Variants in OSBPL10 observed in about 807,000 individuals in gnomAD.
The protein encoded by OSBPL10 is oxysterol binding protein like 10.
Under a neutral mutation model 81.7 loss-of-function variants are expected in OSBPL10, and 49 were observed. The ratio of observed to expected loss-of-function variants is 0.60; its 90% confidence interval spans 0.48 to 0.76. OSBPL10 has a LOEUF of 0.76. Among genes scored for constraint, OSBPL10 ranks in the 30% least tolerant of loss-of-function variants. OSBPL10 has a pLI of 0.00. For missense variants in OSBPL10, 923 were observed against 987.8 expected (o/e 0.93, Z 0.88); for synonymous variants, 419 against 383.6 (o/e 1.09, Z -1.08).
intron 3 of OSBPL10, among the ~76,000 whole-genome samples, chr3:31,834,353 T>C (rs141386506): frequency 1.4e-3 from 215 of 152,316 alleles, no homozygotes; most frequent in Non-Finnish European, 2.5e-3. Flanking sequence ...GCAAGTTTCT[T>C]CATCCTTTGC....
chr3:31,718,833 G>C (rs558517233), intron 6 of OSBPL10: 89 of 152,172 alleles, frequency 5.8e-4, no homozygotes, highest in African/African-American at 2.1e-3. Flanking sequence ...GGATGGGGAC[G>C]GAAGGTCCAA....
intron 6 of OSBPL10, among the ~76,000 whole-genome samples, chr3:31,722,075 C>T (rs1305518702): frequency 6.6e-6 from 1 of 152,156 alleles, no homozygotes; most frequent in Non-Finnish European, 1.5e-5. Context: ...AAAGCTTATT[C>T]ACCTCATTCT....
chr3:31,967,496 A>G (rs1391041408), intron 1 of OSBPL10, among the ~76,000 whole-genome samples: 1 of 152,038 alleles, frequency 6.6e-6, no homozygotes, highest in Non-Finnish European at 1.5e-5. Flanking sequence ...ATGAAAAAAA[A>G]AAGTTGCTTA....
chr3:31,892,166 G>A (rs1695910605), intron 1 of OSBPL10, among the ~76,000 whole-genome samples: 1 of 151,992 alleles, frequency 6.6e-6, no homozygotes, highest in African/African-American at 2.4e-5. Flanking sequence ...GAAGAGGAGA[G>A]GAGAGAGTTC....
chr3:31,838,054 T>A (rs1700403151), intron 3 of OSBPL10, among the ~76,000 whole-genome samples: 1 of 152,156 alleles, frequency 6.6e-6, no homozygotes, highest in Non-Finnish European at 1.5e-5. Flanking sequence ...TAAAGCTTCA[T>A]GAAAGATCAA....
intron 1 of OSBPL10, among the ~76,000 whole-genome samples, chr3:31,967,471 C>A (rs1234913964): frequency 1.4e-5 from 2 of 147,820 alleles, no homozygotes; most frequent in Admixed American, 6.8e-5. Context: ...CAGAGCAACA[C>A]CCTGTCTCAA....
intron 4 of OSBPL10, among the ~76,000 whole-genome samples, chr3:31,783,439 C>A (rs1232000588): frequency 6.6e-6 from 1 of 151,708 alleles, no homozygotes; most frequent in Non-Finnish European, 1.5e-5. Context: ...ACCAGAATCT[C>A]AGAAATCACC....
chr3:31,696,374 T>A (rs113078292), intron 7 of OSBPL10, among the ~76,000 whole-genome samples: 94 of 152,362 alleles, frequency 6.2e-4, no homozygotes, highest in African/African-American at 2.1e-3. Flanking sequence ...TCCACCCAAT[T>A]TTCTGTTCCC....
rs1698827907 is a variant in OSBPL10, at chr3:31,981,085, G to A, written c.95C>T (p.Ser32Phe). 1 of 1,492,556 alleles carries A rather than the reference G, an allele frequency of 6.7e-7. No homozygotes were observed. Among genetic ancestry groups the A allele is most frequent in the Non-Finnish European group, 8.9e-7 (1 of 1,125,752 alleles). 92.5% of individuals were successfully genotyped at this position (1,492,556 alleles called of 1,614,324 possible). The change falls in exon 1 of 12, where the codon TCC (serine) becomes TTC (phenylalanine). Residue 32 changes from serine to phenylalanine, a missense_variant. By Grantham distance (155) the Ser-to-Phe change is radical. Around this residue, in one of 3 missense-constraint regions of OSBPL10, gnomAD observed 514 missense variants for 508.0 expected, o/e 1.01. Coordinates refer to ENST00000396556, the MANE Select transcript of OSBPL10 (RefSeq NM_017784.5). The surrounding 1 kb of genome is among the most constrained non-coding windows in gnomAD (Gnocchi z 4.5). ...GACCCCCCGGCCCGCCAGAGAGCAGGAGGGCGAGGAGCCCGCCGAGGTAGC... is the reference window on the plus strand; with the variant it reads ...GACCCCCCGGCCCGCCAGAGAGCAGAAGGGCGAGGAGCCCGCCGAGGTAGC... ...SRATSAGSSP[S>F]CSLAGRGVSS...
intron 5 of OSBPL10, among the ~76,000 whole-genome samples, chr3:31,745,222 G>T (rs890363403): frequency 1.3e-5 from 2 of 152,230 alleles, no homozygotes; most frequent in Non-Finnish European, 2.9e-5. Flanking sequence ...AACCAGCAAA[G>T]AGGACTATAC....
intron 5 of OSBPL10, among the ~76,000 whole-genome samples, chr3:31,742,830 A>G (rs1371140297): frequency 2.0e-5 from 3 of 152,000 alleles, no homozygotes; most frequent in Admixed American, 6.6e-5. Context: ...AAAGAGCACA[A>G]CCTTTTCCAG....
chr3:31,827,335 T>C (rs1559482197), intron 4 of OSBPL10, among the ~76,000 whole-genome samples: 1 of 152,114 alleles, frequency 6.6e-6, no homozygotes. Context: ...TGTATTCATT[T>C]ACAAAATTTA....
intron 4 of OSBPL10, among the ~76,000 whole-genome samples, chr3:31,821,947 T>C (rs1699989759): frequency 6.6e-6 from 1 of 152,182 alleles, no homozygotes. Flanking sequence ...TGAAACAAGA[T>C]CACACCAAAT....
chr3:31,938,428 C>T (rs980283240), intron 1 of OSBPL10, among the ~76,000 whole-genome samples: 18 of 152,344 alleles, frequency 1.2e-4, no homozygotes, highest in African/African-American at 3.8e-4. Flanking sequence ...GATTCAGGGG[C>T]TCCATTCTGG....
At chr3:32,024,234 G>C (rs2880339) in intron 2 of OSBPL10, among the ~76,000 whole-genome samples, 1 of 151,976 alleles carries the variant, frequency 6.6e-6, no homozygotes, top group East Asian at 1.9e-4. Flanking sequence ...CTTATCAATT[G>C]CTACAAAAAA....
intron 1 of OSBPL10, among the ~76,000 whole-genome samples, chr3:31,937,587 C>A (rs1268678103): frequency 6.6e-6 from 1 of 152,052 alleles, no homozygotes; most frequent in African/African-American, 2.4e-5. Flanking sequence ...AAGTTCAAGC[C>A]CCTTCCTGCC....
intron 1 of OSBPL10, among the ~76,000 whole-genome samples, chr3:31,923,151 T>C (rs1204421646): frequency 1.3e-5 from 2 of 152,156 alleles, no homozygotes; most frequent in African/African-American, 2.4e-5. Flanking sequence ...TCTCCTCTTA[T>C]TGAAGAGTCT....
At chr3:32,071,137 C>G (rs544365972) in intron 1 of OSBPL10, among the ~76,000 whole-genome samples, 5 of 152,326 alleles carry the variant, frequency 3.3e-5, no homozygotes, top group Non-Finnish European at 7.3e-5. Context: ...AGGTATCCCC[C>G]TCCAAAGCTC....
chr3:31,814,993 A>C (rs548078395), intron 4 of OSBPL10, among the ~76,000 whole-genome samples: 4 of 152,314 alleles, frequency 2.6e-5, no homozygotes, highest in Non-Finnish European at 5.9e-5. Flanking sequence ...AGAGTGTGAC[A>C]GTTTCCAGGC....
Sources: gnomAD v4.1 joint callset for allele counts (sites outside exome capture counted in the v4.1 genomes callset) on GRCh38, gnomAD v4.1.1 for gene constraint, gnomAD v4.1.1 regional missense constraint, Gnocchi (gnomAD v3.1) non-coding constraint, MANE v1.5 for transcripts, NCBI Gene and HGNC (gene_info 2026-07-23, HGNC 2026-07-21) for gene names.